The following TENM3 variants were observed in gnomAD, a reference collection of about 807,000 sequenced individuals.
TENM3 encodes teneurin-3.
Under a neutral mutation model 255.1 loss-of-function variants are expected in TENM3, and 63 were observed. The observed-to-expected ratio is 0.25, with a 90% CI of 0.20 to 0.30. The LOEUF is 0.30. Ranked by LOEUF, TENM3 falls within the 10% of genes least tolerant of loss-of-function variation. The probability of loss-of-function intolerance (pLI) is 1.00; values close to 1 mark genes in which losing one functional copy is unlikely to be tolerated. For missense variants in TENM3, 2,929 were observed against 3,461.1 expected, an observed-to-expected ratio of 0.85 and a Z score of 3.86; for synonymous variants, 1,306 against 1,322.3, an observed-to-expected ratio of 0.99 and a Z score of 0.27.
At chr4:181,573,714 A>C in the TENM3 span, among the ~76,000 whole-genome samples, 1 of 152,220 alleles carries the variant, frequency 6.6e-6, no homozygotes, top group Non-Finnish European at 1.5e-5. Flanking sequence ...TAACAAACTC[A>C]GGTTATATTA....
chr4:182,276,222 C>T (rs1476788179), intron 1 of TENM3, among the ~76,000 whole-genome samples: 1 of 152,168 alleles, frequency 6.6e-6, no homozygotes, highest in Non-Finnish European at 1.5e-5. Flanking sequence ...CATCATTTTC[C>T]ACATAAGCAC....
the TENM3 span, among the ~76,000 whole-genome samples, chr4:181,451,439 A>C: frequency 6.6e-6 from 1 of 152,212 alleles, no homozygotes; most frequent in South Asian, 2.1e-4. Flanking sequence ...TCTAGGTAGG[A>C]GACTGATGAG....
chr4:181,766,271 A>G, the TENM3 span, among the ~76,000 whole-genome samples: 2 of 152,218 alleles, frequency 1.3e-5, no homozygotes, highest in Non-Finnish European at 2.9e-5. Flanking sequence ...AGGACAGCAA[A>G]TAAAACTTCA....
chr4:181,836,165 C>T, the TENM3 span, among the ~76,000 whole-genome samples: 1 of 128,038 alleles, frequency 7.8e-6, no homozygotes, highest in Non-Finnish European at 1.6e-5. Context: ...TTGCTATACA[C>T]TGTTTTCATA....
the TENM3 span, among the ~76,000 whole-genome samples, chr4:181,891,937 G>T: frequency 1.3e-5 from 2 of 152,004 alleles, no homozygotes; most frequent in African/African-American, 2.4e-5. Context: ...TATTGGATTA[G>T]GTACCCTTCG....
At chr4:181,721,312 G>C in the TENM3 span, among the ~76,000 whole-genome samples, 1 of 151,606 alleles carries the variant, frequency 6.6e-6, no homozygotes, top group Non-Finnish European at 1.5e-5. Context: ...CTCATGTCTT[G>C]ATTCTTTTTA....
the TENM3 span, among the ~76,000 whole-genome samples, chr4:181,510,082 T>C: frequency 6.6e-6 from 1 of 152,236 alleles, no homozygotes; most frequent in Admixed American, 6.5e-5. Flanking sequence ...TCAATAGTGA[T>C]ATAAATGTCT....
chr4:181,557,589 C>T, the TENM3 span, among the ~76,000 whole-genome samples: 2 of 152,124 alleles, frequency 1.3e-5, no homozygotes, highest in Non-Finnish European at 2.9e-5. Flanking sequence ...TGCAGTGACG[C>T]AATCACAGCT....
At chr4:181,646,824 C>G in the TENM3 span, among the ~76,000 whole-genome samples, 1 of 152,138 alleles carries the variant, frequency 6.6e-6, no homozygotes, top group Non-Finnish European at 1.5e-5. Context: ...TTTCTGAGAG[C>G]TATAGCATCA....
At chr4:182,137,413 G>C in the TENM3 span, among the ~76,000 whole-genome samples, 4 of 151,930 alleles carry the variant, frequency 2.6e-5, no homozygotes, top group African/African-American at 4.8e-5. Context: ...AAATTATCAG[G>C]CAATTGCATG....
At chr4:181,698,776 A>T in the TENM3 span, among the ~76,000 whole-genome samples, 1 of 152,234 alleles carries the variant, frequency 6.6e-6, no homozygotes. Flanking sequence ...TCTAGACATT[A>T]TCTATATATT....
rs1976750 is a variant in TENM3 at position 182,389,876 on chromosome 4, A to G, written c.511+42947A>G. On this transcript the variant is annotated intron_variant, in intron 3 of 27. Transcript: ENST00000511685. ...AATTTTTTGTATTTTTAGTAGAGAC[A>G]GGGTTTCACCATGTTGGCCAGGATG... is the stretch of plus-strand genomic sequence containing the variant. Among the ~76,000 whole-genome samples, 1,446 of 151,928 alleles carry G rather than the reference A, an allele frequency of 9.5e-3. 18 individuals carry two copies. The highest frequency in any genetic ancestry group is 0.028 in the African/African-American group (1,167 of 41,472).
rs201005312 is a variant in TENM3, at chr4:182,615,070, T to TATATGTA, written c.750-13581_750-13580insATATGTA. The stretch of plus-strand genomic sequence containing the variant: ...ACATATATATATATATATATATGTA[T>TATATGTA]TTTTTTTTTCTTCTCCAAATAGCAG... On this transcript the variant is annotated intron_variant, in intron 4 of 27. Coordinates refer to ENST00000511685, the MANE Select transcript of TENM3 (RefSeq NM_001080477.4). Among the ~76,000 whole-genome samples, 793 of 82,522 alleles carry TATATGTA rather than the reference T, an allele frequency of 9.6e-3. 1 individual carries two copies. Among genetic ancestry groups the TATATGTA allele is most frequent in the African/African-American group, 0.015 (283 of 19,252 alleles). The allele number at this position is 82,522 out of a possible 152,430, so 54.1% of individuals were successfully genotyped here.
the TENM3 span, among the ~76,000 whole-genome samples, chr4:182,135,078 C>T: frequency 4.0e-5 from 6 of 151,610 alleles, no homozygotes; most frequent in Admixed American, 6.6e-5. Flanking sequence ...TGGTGATGCG[C>T]GCCTGTAATC....
chr4:181,579,964 A>T, the TENM3 span, among the ~76,000 whole-genome samples: 1 of 123,960 alleles, frequency 8.1e-6, no homozygotes, highest in African/African-American at 4.1e-5. Context: ...ATTTTATTTT[A>T]TTTTATTTTA....
the TENM3 span, among the ~76,000 whole-genome samples, chr4:181,854,804 C>T: frequency 6.6e-6 from 1 of 152,188 alleles, no homozygotes; most frequent in Non-Finnish European, 1.5e-5. Flanking sequence ...TGATCAATGT[C>T]AGTGCTAGCT....
intron 3 of TENM3, among the ~76,000 whole-genome samples, chr4:182,351,092 C>CT (rs5864780): frequency 0.19 from 28,451 of 151,180 alleles, 3,103 homozygotes; most frequent in East Asian, 0.35. Context: ...GAACAAAGGG[C>CT]TTTTTTTTAT....
At chr4:181,580,173 T>C in the TENM3 span, among the ~76,000 whole-genome samples, 1 of 151,888 alleles carries the variant, frequency 6.6e-6, no homozygotes, top group East Asian at 1.9e-4. Flanking sequence ...AATTTTTGTA[T>C]TTTTAGTAGA....
At chr4:182,058,511 CCCA>C in the TENM3 span, among the ~76,000 whole-genome samples, 3 of 151,908 alleles carry the variant, frequency 2.0e-5, no homozygotes, top group Non-Finnish European at 2.9e-5. Flanking sequence ...TAAAACTCGC[CCCA>C]GAGATAGAAG....
Sources: gnomAD v4.1 joint callset for allele counts (sites outside exome capture counted in the v4.1 genomes callset) on GRCh38, gnomAD v4.1.1 for gene constraint, MANE v1.5 for transcripts, NCBI Gene and HGNC (gene_info 2026-07-23, HGNC 2026-07-21) for gene names.